The following TSHZ2 variants were observed in gnomAD, a reference collection of about 807,000 sequenced individuals.
The protein encoded by TSHZ2 is teashirt zinc finger homeobox 2.
In TSHZ2, 21 loss-of-function variants were observed where a neutral mutation model predicts 74.4. That is an observed-to-expected ratio of 0.28 (90% CI 0.20 to 0.41). The LOEUF (loss-of-function observed/expected upper bound fraction) is 0.41. TSHZ2 is among the 10% of genes least tolerant of loss of function. TSHZ2 has a pLI of 1.00. For synonymous variants in TSHZ2, 540 were observed against 515.3 expected (o/e 1.05, Z -0.65); for missense variants, 1,244 against 1,293.5 (o/e 0.96, Z 0.59).
intron 1 of TSHZ2, among the ~76,000 whole-genome samples, chr20:53,087,775 T>C (rs113102904): frequency 2.0e-5 from 3 of 152,230 alleles, no homozygotes; most frequent in Non-Finnish European, 4.4e-5. Context: ...ATGGTACGTG[T>C]TGGCTGTGTA....
intron 1 of TSHZ2, among the ~76,000 whole-genome samples, chr20:53,066,067 C>T (rs1385071893): frequency 1.3e-5 from 2 of 152,182 alleles, no homozygotes; most frequent in Non-Finnish European, 2.9e-5. Context: ...AGAAACGTCT[C>T]AGGCCCCTTG....
intron 2 of TSHZ2, among the ~76,000 whole-genome samples, chr20:53,441,578 G>A (rs1166407550): frequency 7.3e-6 from 1 of 137,770 alleles, no homozygotes; most frequent in Non-Finnish European, 1.6e-5. Context: ...GAGCCACCAC[G>A]CCCAGCCTCG....
At chr20:53,154,836 C>A (rs1293411) in intron 1 of TSHZ2, among the ~76,000 whole-genome samples, 64,783 of 151,892 alleles carry the variant, frequency 0.43, 15,687 homozygotes, top group African/African-American at 0.67. Flanking sequence ...ATAGTATCTC[C>A]CGAATAATCA....
intron 2 of TSHZ2, among the ~76,000 whole-genome samples, chr20:53,288,873 T>A (rs1991224904): frequency 6.6e-6 from 1 of 152,168 alleles, no homozygotes; most frequent in Non-Finnish European, 1.5e-5. Flanking sequence ...GTAAAACGGA[T>A]AAGTCATTTA....
chr20:53,044,090 G>T (rs532882256), intron 1 of TSHZ2, among the ~76,000 whole-genome samples: 2 of 152,282 alleles, frequency 1.3e-5, no homozygotes, highest in Admixed American at 6.5e-5. Flanking sequence ...GGAGATACAG[G>T]GTGAGTATCC....
chr20:53,225,328 A>T (rs1269175798), intron 1 of TSHZ2, among the ~76,000 whole-genome samples: 1 of 152,232 alleles, frequency 6.6e-6, no homozygotes, highest in Non-Finnish European at 1.5e-5. Context: ...ATGCCTGCTA[A>T]TTGTGTACTT....
chr20:53,133,297 A>T (rs1024518728), intron 1 of TSHZ2, among the ~76,000 whole-genome samples: 1 of 152,132 alleles, frequency 6.6e-6, no homozygotes, highest in South Asian at 2.1e-4. Flanking sequence ...CTTGCCTTTG[A>T]TGTACCTCCA....
intron 1 of TSHZ2, among the ~76,000 whole-genome samples, chr20:53,134,832 A>G (rs1467212588): frequency 6.6e-6 from 1 of 151,192 alleles, no homozygotes; most frequent in African/African-American, 2.4e-5. Flanking sequence ...TTCCCACTAC[A>G]CTCTGCTATC....
chr20:52,975,194 C>G (rs1189568671), intron 1 of TSHZ2, among the ~76,000 whole-genome samples: 1 of 151,866 alleles, frequency 6.6e-6, no homozygotes. Flanking sequence ...ATTGTTGTCC[C>G]GAAAGAGAAC....
At chr20:53,210,124 C>T (rs1989267192) in intron 1 of TSHZ2, among the ~76,000 whole-genome samples, 1 of 152,246 alleles carries the variant, frequency 6.6e-6, no homozygotes, top group African/African-American at 2.4e-5. Context: ...GTCGTTGCCA[C>T]TGCTCAAACC....
At chr20:53,247,364 G>T (rs973829649) in intron 1 of TSHZ2, among the ~76,000 whole-genome samples, 1 of 152,136 alleles carries the variant, frequency 6.6e-6, no homozygotes, top group African/African-American at 2.4e-5. Flanking sequence ...GGATCCCACA[G>T]CTCTCTAGAC....
At chr20:52,985,925 G>C (rs1981736969) in intron 1 of TSHZ2, among the ~76,000 whole-genome samples, 2 of 152,188 alleles carry the variant, frequency 1.3e-5, no homozygotes, top group Non-Finnish European at 2.9e-5. Context: ...AGATTAAGTA[G>C]CATTGAGTCA....
intron 1 of TSHZ2, among the ~76,000 whole-genome samples, chr20:53,150,731 A>G (rs1413831948): frequency 1.3e-5 from 2 of 152,034 alleles, no homozygotes; most frequent in African/African-American, 2.4e-5. Flanking sequence ...AAAGAAAAAG[A>G]AGGAGGGAAG....
chr20:53,083,964 T>G (rs563108628), intron 1 of TSHZ2, among the ~76,000 whole-genome samples: 13 of 152,158 alleles, frequency 8.5e-5, no homozygotes, highest in Non-Finnish European at 1.6e-4. Flanking sequence ...AAGCCTTCTT[T>G]ATTATTGTTT....
intron 2 of TSHZ2, among the ~76,000 whole-genome samples, chr20:53,440,100 G>A (rs552635845): frequency 5.6e-4 from 85 of 150,956 alleles, no homozygotes; most frequent in Admixed American, 5.2e-3. Flanking sequence ...ACAGTTGGCC[G>A]TCCTTAGAAT....
At chr20:53,415,733 G>A (rs910502167) in intron 2 of TSHZ2, among the ~76,000 whole-genome samples, 307 of 1,808 alleles carry the variant, frequency 0.17, no homozygotes, top group Non-Finnish European at 0.25. Context: ...GTGTGTGCCT[G>A]TGTGTATATA....
chr20:53,156,268 A>G lies in TSHZ2; in HGVS notation c.41-97231A>G, dbSNP rs188481897. The stretch of plus-strand genomic sequence containing the variant: ...GGTCAGTGAATTTTAAGCAAAATTT[A>G]AGAAAACATATGTCTCTGTGGAAGA... On this transcript the variant is annotated intron_variant, in intron 1 of 2. Coordinates refer to ENST00000371497, the MANE Select transcript of TSHZ2 (RefSeq NM_173485.6). Among the ~76,000 whole-genome samples, 5 of 152,368 alleles carry G rather than the reference A, an allele frequency of 3.3e-5. No individual in the cohort carries two copies. In the East Asian group the frequency reaches 5.8e-4, roughly 18 times the overall value.
At chr20:53,318,707 G>A (rs1979126109) in intron 2 of TSHZ2, among the ~76,000 whole-genome samples, 1 of 152,182 alleles carries the variant, frequency 6.6e-6, no homozygotes, top group Non-Finnish European at 1.5e-5. Flanking sequence ...TGGGCACCAT[G>A]CTTGGCAAAG....
At chr20:53,333,613 G>A (rs993659916) in intron 2 of TSHZ2, among the ~76,000 whole-genome samples, 1 of 152,022 alleles carries the variant, frequency 6.6e-6, no homozygotes, top group African/African-American at 2.4e-5. Flanking sequence ...CCACCACCAC[G>A]CCTGGCTAAT....
Sources: allele counts gnomAD v4.1 joint callset (sites outside exome capture counted in the v4.1 genomes callset), GRCh38; gene constraint gnomAD v4.1.1; transcripts MANE v1.5; gene names NCBI Gene and HGNC (gene_info 2026-07-23, HGNC 2026-07-21).